NDUFAF7: variants seen among roughly 807,000 people sequenced by gnomAD.
NDUFAF7 encodes protein arginine methyltransferase NDUFAF7, mitochondrial.
NDUFAF7 carries 48 observed loss-of-function variants against 47.2 expected under a neutral mutation model. That is an observed-to-expected ratio of 1.02 (90% CI 0.81 to 1.29). The LOEUF (loss-of-function observed/expected upper bound fraction) is 1.29. Among genes scored for constraint, NDUFAF7 ranks in the 50% most tolerant of loss-of-function variants. The probability of loss-of-function intolerance (pLI) is 0.00; values close to 1 mark genes in which losing one functional copy is unlikely to be tolerated. For synonymous variants in NDUFAF7, 217 were observed against 190.0 expected (o/e 1.14, Z -1.17); for missense variants, 635 against 537.6 (o/e 1.18, Z -1.79).
At chr2:37,260,220 T>C in the NDUFAF7 span, 4 of 1,591,768 alleles carry the variant, frequency 2.5e-6, no homozygotes, top group Non-Finnish European at 3.4e-6. Flanking sequence ...GGAGTTAAAA[T>C]ACCTGTGTGA....
the NDUFAF7 span, among the ~76,000 whole-genome samples, chr2:37,262,653 G>T: frequency 0.14 from 20,609 of 150,852 alleles, 1,566 homozygotes; most frequent in Middle Eastern, 0.17. Flanking sequence ...TGTTTTGCTA[G>T]GCCATAGTTG....
At position 37,243,958 on chromosome 2, in the gene NDUFAF7, A is replaced by G; in HGVS notation, c.777A>G (p.Ala259=). The part of the protein sequence containing the change: ...RFVLAPSATP[A]EAFIQHDETR... ...TTTTGGCACCTTCTGCCACCCCAGC[A>G]GAAGCCTTCATACAAGTAAGAATAT... The change falls in exon 7 of 10, where the codon GCA becomes GCG. Residue 259 remains alanine, a synonymous_variant. Transcript: ENST00000002125. 1 of 1,611,314 alleles carries G rather than the reference A, an allele frequency of 6.2e-7. No homozygotes were observed. The highest frequency in any genetic ancestry group is 8.5e-7 in the Non-Finnish European group (1 of 1,177,588).
chr2:37,250,934 G>A (rs1359490386), downstream of NDUFAF7: 1 of 152,624 alleles, frequency 6.6e-6, no homozygotes, highest in African/African-American at 2.4e-5. Flanking sequence ...TTCTCTGACA[G>A]TGCCTTTACA....
At chr2:37,241,923 C>G (rs1031303484) in intron 5 of NDUFAF7, 132 bp downstream of exon 5, 2 of 747,392 alleles carry the variant, frequency 2.7e-6, no homozygotes, top group African/African-American at 1.8e-5. Context: ...TAGAGAGTAG[C>G]CTACTTTTTT....
At chr2:37,255,619 G>A (rs963375651), downstream of NDUFAF7, among the ~76,000 whole-genome samples, 2 of 152,164 alleles carry the variant, frequency 1.3e-5, no homozygotes, top group African/African-American at 4.8e-5. Context: ...GTTCATTCTA[G>A]GTATAAGGAA....
At chr2:37,233,667 T>C (rs908731262) in intron 2 of NDUFAF7, among the ~76,000 whole-genome samples, 12 of 149,464 alleles carry the variant, frequency 8.0e-5, no homozygotes, top group African/African-American at 3.0e-4. Flanking sequence ...GAAGAAAGAC[T>C]GGGCAGGCAT....
the NDUFAF7 span, chr2:37,260,321 C>A: frequency 6.2e-7 from 1 of 1,609,678 alleles, no homozygotes; most frequent in Non-Finnish European, 8.5e-7. Flanking sequence ...TCCATTACTA[C>A]AAAGACTCGT....
At chr2:37,270,858 A>G in the NDUFAF7 span, among the ~76,000 whole-genome samples, 1 of 152,208 alleles carries the variant, frequency 6.6e-6, no homozygotes, top group African/African-American at 2.4e-5. Flanking sequence ...ATGTATGTGT[A>G]TATATATTTG....
chr2:37,253,323 C>T, downstream of NDUFAF7: 1 of 1,612,668 alleles, frequency 6.2e-7, no homozygotes, highest in African/African-American at 1.3e-5. Flanking sequence ...GTTTCAAATT[C>T]TCTAAGGTCA....
intron 4 of NDUFAF7, among the ~76,000 whole-genome samples, chr2:37,241,172 T>C (rs953703194): frequency 6.6e-6 from 1 of 152,154 alleles, no homozygotes; most frequent in Non-Finnish European, 1.5e-5. Context: ...CATTCAGATT[T>C]GGTTCTTTGA....
intron 7 of NDUFAF7, among the ~76,000 whole-genome samples, chr2:37,244,817 C>A (rs908437762): frequency 6.6e-6 from 1 of 152,144 alleles, no homozygotes; most frequent in Non-Finnish European, 1.5e-5. Context: ...CATAGTATAG[C>A]AATCTAAGTT....
At chr2:37,249,641 G>GAC (rs1452256080), downstream of NDUFAF7, among the ~76,000 whole-genome samples, 28 of 59,588 alleles carry the variant, frequency 4.7e-4, no homozygotes, top group South Asian at 0.014. Context: ...GCCTGTGATA[G>GAC]AGACACACAC....
intron 7 of NDUFAF7, among the ~76,000 whole-genome samples, chr2:37,245,601 C>T (rs1383395563): frequency 6.6e-6 from 1 of 152,148 alleles, no homozygotes; most frequent in African/African-American, 2.4e-5. Flanking sequence ...ATAGGGTCTG[C>T]TTCGTGTTAT....
Position 37,233,615 on chromosome 2 carries a change from C to G in NDUFAF7, c.216+1349C>G, listed in dbSNP as rs188464048. Reference sequence around the variant, plus strand: ...CCAGCCTGGGCAACAGAGCGAGACTCTGTCTCAAAAAAAAAAAAAAAAAAA... The same window carrying G: ...CCAGCCTGGGCAACAGAGCGAGACTGTGTCTCAAAAAAAAAAAAAAAAAAA... On this transcript the variant is annotated intron_variant, in intron 2 of 9. Transcript: ENST00000002125. Among the ~76,000 whole-genome samples the G allele has an allele frequency of 6.7e-4, 93 of 137,954 alleles. 2 individuals carry two copies. The East Asian group carries it at 0.018, about 27-fold the overall frequency. 90.5% of individuals were successfully genotyped at this position (137,954 alleles called of 152,430 possible). A position where few individuals can be genotyped will look rare whatever the true frequency, so the allele number is the denominator to read the frequency against.
In NDUFAF7 at chr2:37,249,050, C is replaced by G. The variant is rs1326587843; in HGVS notation, c.*700C>G. 6.6e-6 allele frequency: 1 copy of G among 152,122 alleles called. No homozygotes were observed. The highest frequency in any genetic ancestry group is 2.4e-5 in the African/African-American group (1 of 41,388). The allele number at this position is 152,122 out of a possible 1,614,324, so 9.4% of individuals were successfully genotyped here. A position where few individuals can be genotyped will look rare whatever the true frequency, so the allele number is the denominator to read the frequency against. On this transcript the variant is annotated 3_prime_UTR_variant, in exon 10 of 10. Transcript: ENST00000002125. Reference sequence around the variant, plus strand: ...GGGCAATATGTTTTGACAGAAAACTCTCTAAGATTTAGTAAGTGAAAAAAA... The same window carrying G: ...GGGCAATATGTTTTGACAGAAAACTGTCTAAGATTTAGTAAGTGAAAAAAA...
chr2:37,252,968 G>C (rs1259903856), downstream of NDUFAF7: 1 of 412,864 alleles, frequency 2.4e-6, no homozygotes, highest in South Asian at 1.2e-4. Context: ...TTTATAAAAA[G>C]CTTCACCTTG....
the NDUFAF7 span, among the ~76,000 whole-genome samples, chr2:37,262,116 C>A: frequency 1.3e-5 from 2 of 151,846 alleles, no homozygotes; most frequent in Non-Finnish European, 2.9e-5. Context: ...GAGATATGAC[C>A]CCGTCGCAAA....
chr2:37,254,231 G>C (rs773920283), downstream of NDUFAF7: 3 of 1,612,726 alleles, frequency 1.9e-6, no homozygotes, highest in Non-Finnish European at 1.7e-6. Context: ...TAAGAGATTT[G>C]TCAACACTGT....
Position 37,242,744 on chromosome 2 carries a change from G to A in NDUFAF7, c.681+51G>A, listed in dbSNP as rs747555077. On this transcript the variant is annotated intron_variant, in intron 6 of 9. Transcript: ENST00000002125. ...TCTATAATTGAATACAAAAGGCATT[G>A]TGTTGCCAATGTTTATGGTATTTAT... 12 of 1,356,938 alleles carry A rather than the reference G, an allele frequency of 8.8e-6. No individual in the cohort carries two copies. The East Asian group carries it at 2.8e-4, about 31-fold the overall frequency. 84.1% of individuals were successfully genotyped at this position (1,356,938 alleles called of 1,614,324 possible).
Sources: allele counts gnomAD v4.1 joint callset (sites outside exome capture counted in the v4.1 genomes callset), GRCh38; gene constraint gnomAD v4.1.1; transcripts MANE v1.5; gene names NCBI Gene and HGNC (gene_info 2026-07-23, HGNC 2026-07-21).